Variants in PIK3C2A observed in about 807,000 individuals in gnomAD.
The protein encoded by PIK3C2A is phosphatidylinositol-4-phosphate 3-kinase catalytic subunit type 2 alpha.
PIK3C2A carries 97 observed loss-of-function variants against 204.5 expected under a neutral mutation model. The ratio of observed to expected loss-of-function variants is 0.47; its 90% CI spans 0.40 to 0.56. The LOEUF (loss-of-function observed/expected upper bound fraction) is 0.56. PIK3C2A is among the 20% of genes least tolerant of loss of function. The probability of loss-of-function intolerance (pLI) is 0.00; values close to 1 mark genes in which losing one functional copy is unlikely to be tolerated. For missense variants in PIK3C2A, 1,735 were observed against 1,969.2 expected, an observed-to-expected ratio of 0.88 and a Z score of 2.25; for synonymous variants, 653 against 664.4, an observed-to-expected ratio of 0.98 and a Z score of 0.26.
chr11:17,094,366 A>G lies in PIK3C2A; in HGVS notation c.4346T>C (p.Leu1449Ser). The change falls in exon 28 of 33, where the codon TTG becomes TCG. Residue 1449 changes from leucine to serine, a missense_variant. By Grantham distance (145) the Leu-to-Ser change is moderately radical (BLOSUM62 -2). Coordinates refer to ENST00000691414, the MANE Select transcript of PIK3C2A (RefSeq NM_002645.4). ...DKHYIYVVRI[L>S]REGQIEPSFV... ...TGATGGTTCAATCTGTCCTTCCCTCAAAATTCGGACTACATAAATCTGAAA... is the reference window on the plus strand; with the variant it reads ...TGATGGTTCAATCTGTCCTTCCCTCGAAATTCGGACTACATAAATCTGAAA... The G allele has an allele frequency of 3.1e-6, 5 of 1,610,136 alleles. No individual in the cohort carries two copies. The highest frequency in any genetic ancestry group is 4.2e-6 in the Non-Finnish European group (5 of 1,177,412).
chr11:17,137,992 C>A lies in PIK3C2A; in HGVS notation c.1705-1367G>T, dbSNP rs1487350804. On this transcript the variant is annotated intron_variant, in intron 8 of 32. Transcript: ENST00000691414. ...CTTCATCTTTTATTTAGCTTTCTGA[C>A]TCCCTGCTTGTGCTTTCAACACTTT... is the stretch of plus-strand genomic sequence containing the variant. The A allele has an allele frequency of 2.2e-5, 13 of 589,910 alleles. No individual in the cohort carries two copies. The East Asian group carries it at 4.7e-4, about 21-fold the overall frequency. The allele number at this position is 589,910 out of a possible 1,614,324, so 36.5% of individuals were successfully genotyped here. A position where few individuals can be genotyped will look rare whatever the true frequency, so the allele number is the denominator to read the frequency against.
At chr11:17,185,539 G>A (rs1487517732) in intron 1 of PIK3C2A, among the ~76,000 whole-genome samples, 5 of 152,090 alleles carry the variant, frequency 3.3e-5, no homozygotes, top group African/African-American at 4.8e-5. Context: ...AGGAAAAGGT[G>A]GGGAAACTAC....
intron 22 of PIK3C2A, among the ~76,000 whole-genome samples, chr11:17,109,179 G>A (rs1848919425): frequency 6.6e-6 from 1 of 152,202 alleles, no homozygotes; most frequent in Admixed American, 6.5e-5. Context: ...CATAGAATTT[G>A]TGAAGTGTTT....
At chr11:17,117,122 TCCA>T (rs1254232708) in intron 19 of PIK3C2A, among the ~76,000 whole-genome samples, 2 of 152,156 alleles carry the variant, frequency 1.3e-5, no homozygotes, top group African/African-American at 4.8e-5. Context: ...TATAGACGTA[TCCA>T]TATTGACAGA....
intron 1 of PIK3C2A, 122 bp from the exon 2 acceptor site, chr11:17,169,928 CAAAAT>C (rs1275122013): frequency 1.8e-6 from 1 of 550,290 alleles, no homozygotes; most frequent in Non-Finnish European, 3.2e-6. Context: ...ACAAAATAAA[CAAAAT>C]AAAACAGATA....
Position 17,163,739 on chromosome 11 carries a change from C to G in PIK3C2A, c.1065+4938G>C, listed in dbSNP as rs191257227. 3.3e-5 allele frequency among the ~76,000 whole-genome samples: 5 copies of G among 152,190 alleles called. No homozygotes were observed. The East Asian group carries it at 9.7e-4, about 29-fold the overall frequency. The stretch of plus-strand genomic sequence containing the variant: ...TTCTACCAGTTGTTTCTATTATAAT[C>G]TAGCACAGATTGTCATCTAATGTAA... On this transcript the variant is annotated intron_variant, in intron 2 of 32. Transcript: ENST00000691414.
chr11:17,096,696 G>C (rs1011776122), intron 27 of PIK3C2A, among the ~76,000 whole-genome samples: 1 of 152,170 alleles, frequency 6.6e-6, no homozygotes. Flanking sequence ...CTACAGTCTC[G>C]AAGAGGAAAA....
chr11:17,092,306 T>C, intron 28 of PIK3C2A, 30 bp from the exon 29 acceptor site: 1 of 926,590 alleles, frequency 1.1e-6, no homozygotes, highest in Non-Finnish European at 1.8e-6. Context: ...ACAAGTGGGA[T>C]TTAAATAAGT....
intron 1 of PIK3C2A, among the ~76,000 whole-genome samples, chr11:17,177,496 T>A (rs1851374597): frequency 6.6e-6 from 1 of 152,078 alleles, no homozygotes; most frequent in Admixed American, 6.6e-5. Context: ...TACTAAAAAA[T>A]AACATGGTTG....
In PIK3C2A at chr11:17,102,943, C is replaced by A. The variant is rs1038030648; in HGVS notation, c.3682-112G>T. 17 of 643,870 alleles carry A rather than the reference C, an allele frequency of 2.6e-5. No homozygotes were observed. In the African/African-American group the frequency reaches 3.1e-4, roughly 12 times the overall value. The allele number at this position is 643,870 out of a possible 1,614,324, so 39.9% of individuals were successfully genotyped here. ...TTTAAAAACACTATTGTAATCCACT[C>A]TCTCAATAGCATACAAACTGGGATA... is the stretch of plus-strand genomic sequence containing the variant. On this transcript the variant is annotated intron_variant, in intron 23 of 32. Transcript: ENST00000691414.
At chr11:17,091,294 T>C (rs749000191) in intron 32 of PIK3C2A, 40 bp downstream of exon 32, 11 of 1,566,626 alleles carry the variant, frequency 7.0e-6, no homozygotes, top group Non-Finnish European at 8.7e-6. Context: ...ATTAAAAAAA[T>C]AATAAACCAA....
At chr11:17,118,171 G>A (rs1184173817) in intron 18 of PIK3C2A, among the ~76,000 whole-genome samples, 3 of 150,520 alleles carry the variant, frequency 2.0e-5, no homozygotes, top group African/African-American at 4.9e-5. Flanking sequence ...TCCCAGGCTC[G>A]AGCAATCCTC....
At chr11:17,133,375 G>C (rs905102796) in intron 11 of PIK3C2A, among the ~76,000 whole-genome samples, 2 of 152,020 alleles carry the variant, frequency 1.3e-5, no homozygotes, top group Non-Finnish European at 2.9e-5. Context: ...GAAGAGTACA[G>C]GTTTTTTGCC....
intron 1 of PIK3C2A, among the ~76,000 whole-genome samples, chr11:17,205,603 TC>T (rs1852543271): frequency 6.6e-6 from 1 of 151,754 alleles, no homozygotes; most frequent in African/African-American, 2.4e-5. Flanking sequence ...AATTCAACAC[TC>T]TTTAGGTATA....
rs372186522 is a variant in PIK3C2A at position 17,119,175 on chromosome 11, A to C, written c.2940+45T>G. 136 of 1,103,794 alleles carry C rather than the reference A, an allele frequency of 1.2e-4. No individual in the cohort carries two copies. The African/African-American group carries it at 1.9e-3, about 16-fold the overall frequency. 68.4% of individuals were successfully genotyped at this position (1,103,794 alleles called of 1,614,324 possible). On this transcript the variant is annotated intron_variant, in intron 17 of 32. Coordinates refer to ENST00000691414, the MANE Select transcript of PIK3C2A (RefSeq NM_002645.4). ...ATCCCTTAGCAAGTTCCCATAAAAAACTAGAGTGAAAGTATAAAGGGAGGT... is the reference window on the plus strand; with the variant it reads ...ATCCCTTAGCAAGTTCCCATAAAAACCTAGAGTGAAAGTATAAAGGGAGGT...
At chr11:17,152,046 G>A (rs1373592206) in intron 3 of PIK3C2A, among the ~76,000 whole-genome samples, 2 of 152,092 alleles carry the variant, frequency 1.3e-5, no homozygotes, top group African/African-American at 2.4e-5. Flanking sequence ...TGATAGCTAA[G>A]ACAAGAATTT....
chr11:17,137,926 A>G, intron 8 of PIK3C2A: 1 of 417,206 alleles, frequency 2.4e-6, no homozygotes, highest in Admixed American at 3.3e-5. Context: ...CTGCCTTCTA[A>G]TTTTTTTAAA....
rs1011071593 is a variant in PIK3C2A at position 17,207,917 on chromosome 11, T to C, written c.-135A>G. 6.6e-6 allele frequency: 1 copy of C among 152,630 alleles called. No homozygotes were observed. The allele number at this position is 152,630 out of a possible 1,614,324, so 9.5% of individuals were successfully genotyped here. A position where few individuals can be genotyped will look rare whatever the true frequency, so the allele number is the denominator to read the frequency against. ...GAAGCCGCCACAGTCCGAGCCATTT[T>C]TCCCCTCAGCTGGCTCAGCCGCCGC... On this transcript the variant is annotated 5_prime_UTR_variant, in exon 1 of 33. Coordinates refer to ENST00000691414, the MANE Select transcript of PIK3C2A (RefSeq NM_002645.4).
chr11:17,204,631 G>A lies in PIK3C2A; in HGVS notation c.-66+3217C>T, dbSNP rs116750567. On this transcript the variant is annotated intron_variant, in intron 1 of 32. Transcript: ENST00000691414. ...ATAATTATACTGTTATAAAATGTACGTTGTCTTCCAAATGGATGAGAAATT... is the reference window on the plus strand; with the variant it reads ...ATAATTATACTGTTATAAAATGTACATTGTCTTCCAAATGGATGAGAAATT... Among the ~76,000 whole-genome samples, 653 of 152,102 alleles carry A rather than the reference G, an allele frequency of 4.3e-3. 3 individuals carry two copies. Among genetic ancestry groups the A allele is most frequent in the African/African-American group, 0.015 (607 of 41,470 alleles).
Sources: gnomAD v4.1 joint callset for allele counts (sites outside exome capture counted in the v4.1 genomes callset) on GRCh38, gnomAD v4.1.1 for gene constraint, MANE v1.5 for transcripts, NCBI Gene and HGNC (gene_info 2026-07-23, HGNC 2026-07-21) for gene names.